BAZ2B: variants seen among roughly 807,000 people sequenced by gnomAD.
The protein encoded by BAZ2B is bromodomain adjacent to zinc finger domain protein 2B.
BAZ2B carries 91 observed loss-of-function variants against 246.0 expected under a neutral mutation model. The ratio of observed to expected loss-of-function variants is 0.37; its 90% confidence interval spans 0.31 to 0.44. BAZ2B has a LOEUF of 0.44. Ranked by LOEUF, BAZ2B falls within the 20% of genes least tolerant of loss-of-function variation. The pLI is 1.00. For missense variants in BAZ2B, 2,332 were observed against 2,533.7 expected (o/e 0.92, Z 1.71); for synonymous variants, 855 against 860.0 (o/e 0.99, Z 0.10).
At chr2:159,663,086 A>G in the BAZ2B span, among the ~76,000 whole-genome samples, 2 of 151,596 alleles carry the variant, frequency 1.3e-5, no homozygotes, top group Admixed American at 1.3e-4. Context: ...ATTTGCAAAT[A>G]TTTCTCCCAT....
At chr2:159,705,495 T>C in the BAZ2B span, among the ~76,000 whole-genome samples, 4 of 152,370 alleles carry the variant, frequency 2.6e-5, no homozygotes, top group African/African-American at 7.2e-5. Flanking sequence ...ATATTCAGCA[T>C]AAATTTAAAA....
chr2:159,395,658 C>T, intron 20 of BAZ2B, 111 bp downstream of exon 20: 1 of 956,624 alleles, frequency 1.0e-6, no homozygotes. Flanking sequence ...ATATGAAAAC[C>T]AGTAAATCAC....
chr2:159,532,989 G>A (rs1196633662), intron 2 of BAZ2B, among the ~76,000 whole-genome samples: 1 of 152,160 alleles, frequency 6.6e-6, no homozygotes, highest in Non-Finnish European at 1.5e-5. Context: ...TGTTTATGTG[G>A]CATTGTTATC....
Position 159,467,413 on chromosome 2 carries a change from G to A in BAZ2B, c.145+11162C>T, listed in dbSNP as rs143615933. On this transcript the variant is annotated intron_variant, in intron 3 of 36. Coordinates refer to ENST00000392783, the MANE Select transcript of BAZ2B (RefSeq NM_013450.4). The stretch of plus-strand genomic sequence containing the variant: ...TCTTCTGGTTCTGCCTCCCTCAGAC[G>A]GGCCTTTCCCCCCCAGGTTTCTGGA... Among the ~76,000 whole-genome samples the A allele has an allele frequency of 3.0e-3, 463 of 152,186 alleles. 1 individual carries two copies. The highest frequency in any genetic ancestry group is 0.01 in the African/African-American group (428 of 41,526).
intron 27 of BAZ2B, among the ~76,000 whole-genome samples, chr2:159,355,420 G>C (rs2058999638): frequency 6.6e-6 from 1 of 152,078 alleles, no homozygotes; most frequent in Non-Finnish European, 1.5e-5. Flanking sequence ...TGTCTATTTA[G>C]GATTGTTCCT....
At chr2:159,661,585 A>G in the BAZ2B span, among the ~76,000 whole-genome samples, 1 of 152,170 alleles carries the variant, frequency 6.6e-6, no homozygotes, top group Non-Finnish European at 1.5e-5. Flanking sequence ...TTCCTCTATA[A>G]CCATGTCAAA....
intron 1 of BAZ2B, among the ~76,000 whole-genome samples, chr2:159,564,595 A>G (rs2090183453): frequency 6.6e-6 from 1 of 152,190 alleles, no homozygotes; most frequent in South Asian, 2.1e-4. Flanking sequence ...TGATGACTAA[A>G]CAAGAAAAAA....
the BAZ2B span, among the ~76,000 whole-genome samples, chr2:159,687,449 T>G: frequency 1.3e-5 from 2 of 152,170 alleles, no homozygotes; most frequent in African/African-American, 4.8e-5. Flanking sequence ...GGACAATGAT[T>G]TAATCAATCA....
At chr2:159,403,299 G>C (rs2065387871) in intron 16 of BAZ2B, among the ~76,000 whole-genome samples, 1 of 152,104 alleles carries the variant, frequency 6.6e-6, no homozygotes, top group Non-Finnish European at 1.5e-5. Flanking sequence ...TAAATATCTT[G>C]ATAAATATTA....
At chr2:159,680,711 A>G in the BAZ2B span, among the ~76,000 whole-genome samples, 1 of 152,204 alleles carries the variant, frequency 6.6e-6, no homozygotes, top group Non-Finnish European at 1.5e-5. Context: ...CAGGACAGGA[A>G]TAATATATAT....
At chr2:159,584,011 T>C (rs925108116) in intron 1 of BAZ2B, among the ~76,000 whole-genome samples, 2 of 151,890 alleles carry the variant, frequency 1.3e-5, no homozygotes, top group African/African-American at 4.8e-5. Context: ...AGGGGAGAGG[T>C]AAAATGCTGC....
At chr2:159,646,525 T>C in the BAZ2B span, among the ~76,000 whole-genome samples, 12 of 152,282 alleles carry the variant, frequency 7.9e-5, no homozygotes, top group African/African-American at 2.2e-4. Context: ...AGGGTATTAA[T>C]TGGGGAAGTG....
rs917534008 is a variant in BAZ2B, at chr2:159,445,695, T to C, written c.696+1087A>G. 8.9e-4 allele frequency among the ~76,000 whole-genome samples: 136 copies of C among 152,316 alleles called. 1 individual carries two copies. Among genetic ancestry groups the C allele is most frequent in the African/African-American group, 3.1e-3 (129 of 41,570 alleles). The stretch of plus-strand genomic sequence containing the variant: ...CCAATGAAACTCACTAGACAGTGTA[T>C]ACTACTGGGTCTCCTGACCACCACT... On this transcript the variant is annotated intron_variant, in intron 6 of 36. Coordinates refer to ENST00000392783, the MANE Select transcript of BAZ2B (RefSeq NM_013450.4).
chr2:159,359,221 A>C (rs921502442), intron 27 of BAZ2B, among the ~76,000 whole-genome samples: 1 of 152,182 alleles, frequency 6.6e-6, no homozygotes, highest in Non-Finnish European at 1.5e-5. Context: ...CACACTAATA[A>C]AGGAGAAAAG....
At chr2:159,705,223 T>A in the BAZ2B span, among the ~76,000 whole-genome samples, 1 of 151,880 alleles carries the variant, frequency 6.6e-6, no homozygotes, top group African/African-American at 2.4e-5. Flanking sequence ...GGTCTCACTA[T>A]GTTGCCCAGG....
At chr2:159,639,631 T>G in the BAZ2B span, among the ~76,000 whole-genome samples, 1 of 152,124 alleles carries the variant, frequency 6.6e-6, no homozygotes, top group Non-Finnish European at 1.5e-5. Context: ...TTTAAAATAG[T>G]GGGTTATAAG....
intron 1 of BAZ2B, among the ~76,000 whole-genome samples, chr2:159,558,549 T>C (rs1343627878): frequency 6.6e-6 from 1 of 152,040 alleles, no homozygotes; most frequent in Non-Finnish European, 1.5e-5. Flanking sequence ...CGTGAGCCAC[T>C]GTGCCCGGCT....
At chr2:159,488,992 C>T (rs1212999743) in intron 2 of BAZ2B, among the ~76,000 whole-genome samples, 1 of 152,078 alleles carries the variant, frequency 6.6e-6, no homozygotes. Context: ...TTTTGAGAAC[C>T]AACCTATCAG....
At chr2:159,651,183 T>C in the BAZ2B span, among the ~76,000 whole-genome samples, 51 of 152,158 alleles carry the variant, frequency 3.4e-4, 1 homozygote, top group Admixed American at 6.5e-5. Flanking sequence ...TACTCTTACA[T>C]TGTGAATATA....
Sources: allele counts gnomAD v4.1 joint callset (sites outside exome capture counted in the v4.1 genomes callset), GRCh38; gene constraint gnomAD v4.1.1; transcripts MANE v1.5; gene names NCBI Gene and HGNC (gene_info 2026-07-23, HGNC 2026-07-21).